AKAP12: variants seen among roughly 807,000 people sequenced by gnomAD.
AKAP12 encodes the protein A-kinase anchoring protein 12.
AKAP12 carries 32 observed loss-of-function variants against 79.9 expected under a neutral mutation model. The observed-to-expected ratio is 0.40, with a 90% CI of 0.30 to 0.54. AKAP12 has a LOEUF of 0.54. Among genes scored for constraint, AKAP12 ranks in the 20% least tolerant of loss-of-function variants. AKAP12 has a pLI of 0.48. For synonymous variants in AKAP12, 808 were observed against 857.0 expected, an observed-to-expected ratio of 0.94 and a Z score of 1.00; for missense variants, 2,074 against 2,177.0, an observed-to-expected ratio of 0.95 and a Z score of 0.94.
chr6:151,351,051 GTCAGGT>G lies in AKAP12; in HGVS notation c.2664_2669del (p.Gln888_Val889del). 6.2e-7 allele frequency: 1 copy of G among 1,614,176 alleles called. No homozygotes were observed. Among genetic ancestry groups the G allele is most frequent in the South Asian group, 1.1e-5 (1 of 91,086 alleles). Reference sequence around the variant, plus strand: ...GAGGTGTCCAAGGAGCTCAGCGAGAGTCAGGTTCATATGATGGCAGCAGCTGTCGCT... The same window carrying G: ...GAGGTGTCCAAGGAGCTCAGCGAGAGTCATATGATGGCAGCAGCTGTCGCT... On this transcript the variant is annotated inframe_deletion, in exon 4 of 5. Transcript: ENST00000402676. This position sits in a 1 kb window ranked among gnomAD's most constrained non-coding sequence, Gnocchi z 4.4.
In AKAP12 at chr6:151,337,688, CA is replaced by C. The variant is rs1211681256; in HGVS notation, c.320-11019del. Among the ~76,000 whole-genome samples, 3 of 152,130 alleles carry C rather than the reference CA, an allele frequency of 2.0e-5. No homozygotes were observed. In the East Asian group the frequency reaches 5.8e-4, roughly 29 times the overall value. On this transcript the variant is annotated intron_variant, in intron 3 of 4. Transcript: ENST00000402676. Reference sequence around the variant, plus strand: ...ATTTACTTTCTTTTTGTTGGGAAAACAAAACAAACATCAGTCCACGGGTTTC... The same window carrying C: ...ATTTACTTTCTTTTTGTTGGGAAAACAAACAAACATCAGTCCACGGGTTTC...
chr6:151,325,626 CGTGGGTGGGGGT>C lies in AKAP12; in HGVS notation c.319+19724_319+19735del, dbSNP rs996456818. 7.6e-5 allele frequency: 50 copies of C among 654,020 alleles called. No homozygotes were observed. In the African/African-American group the frequency reaches 8.9e-4, roughly 12 times the overall value. The allele number at this position is 654,020 out of a possible 1,614,324, so 40.5% of individuals were successfully genotyped here. On this transcript the variant is annotated intron_variant, in intron 3 of 4. Transcript: ENST00000402676. Reference sequence around the variant, plus strand: ...CCGCGTGTGGGTGGCTGGGTGGGGGCGTGGGTGGGGGTCCGCCTATAATTATCTGGGGAAATG... The same window carrying C: ...CCGCGTGTGGGTGGCTGGGTGGGGGCCCGCCTATAATTATCTGGGGAAATG...
At chr6:151,291,167 C>T (rs139460686) in intron 2 of AKAP12, among the ~76,000 whole-genome samples, 1 of 152,284 alleles carries the variant, frequency 6.6e-6, no homozygotes, top group East Asian at 1.9e-4. Context: ...AGCAGCTGCC[C>T]ATTGGAATCA....
intron 2 of AKAP12, among the ~76,000 whole-genome samples, chr6:151,284,124 A>C (rs1226646675): frequency 6.6e-6 from 1 of 151,994 alleles, no homozygotes; most frequent in African/African-American, 2.4e-5. Context: ...AGGTTGGAGA[A>C]CCTCGCCAGT....
At chr6:151,245,569 C>T (rs1450911748) in intron 2 of AKAP12, among the ~76,000 whole-genome samples, 1 of 142,584 alleles carries the variant, frequency 7.0e-6, no homozygotes, top group East Asian at 2.1e-4. Context: ...GGCGTGAACC[C>T]GGGAGGTGGA....
At chr6:151,251,163 A>G (rs1298189206) in intron 2 of AKAP12, among the ~76,000 whole-genome samples, 1 of 152,194 alleles carries the variant, frequency 6.6e-6, no homozygotes, top group Non-Finnish European at 1.5e-5. Flanking sequence ...CTTCTGGTAC[A>G]AGACGTATTG....
At chr6:151,296,868 A>G (rs1776739842) in intron 2 of AKAP12, among the ~76,000 whole-genome samples, 1 of 152,200 alleles carries the variant, frequency 6.6e-6, no homozygotes, top group Non-Finnish European at 1.5e-5. Context: ...CACAAAAATT[A>G]GGGCTATTGT....
chr6:151,275,231 T>A (rs1776270257), intron 2 of AKAP12, among the ~76,000 whole-genome samples: 1 of 152,074 alleles, frequency 6.6e-6, no homozygotes, highest in South Asian at 2.1e-4. Flanking sequence ...ATCTAAACCG[T>A]TTTTCTTCCC....
intron 3 of AKAP12, among the ~76,000 whole-genome samples, chr6:151,341,056 T>TC (rs1777932389): frequency 8.5e-6 from 1 of 117,528 alleles, no homozygotes; most frequent in Non-Finnish European, 1.6e-5. Flanking sequence ...TTCTTTTTTT[T>TC]CTTTTTTTTT....
chr6:151,261,799 C>T (rs1797444500), intron 2 of AKAP12, among the ~76,000 whole-genome samples: 1 of 149,442 alleles, frequency 6.7e-6, no homozygotes, highest in Non-Finnish European at 1.5e-5. Context: ...CTCTTGTTCC[C>T]CAGGGTGGAG....
chr6:151,270,969 G>T (rs1438122710), intron 2 of AKAP12, among the ~76,000 whole-genome samples: 2 of 152,194 alleles, frequency 1.3e-5, no homozygotes, highest in Non-Finnish European at 1.5e-5. Context: ...AGTTCTTAGA[G>T]TTCTAATTTA....
chr6:151,354,659 A>T (rs996994561), intron 4 of AKAP12, among the ~76,000 whole-genome samples: 2 of 151,940 alleles, frequency 1.3e-5, no homozygotes, highest in Middle Eastern at 3.2e-3. Flanking sequence ...GGTGTGAGCC[A>T]CCACGCCCAG....
intron 3 of AKAP12, among the ~76,000 whole-genome samples, chr6:151,334,322 G>A (rs1156319126): frequency 2.6e-5 from 4 of 151,756 alleles, no homozygotes; most frequent in South Asian, 2.1e-4. Flanking sequence ...AGCTGGGAGC[G>A]GTGGCTCACG....
intron 3 of AKAP12, among the ~76,000 whole-genome samples, chr6:151,327,028 G>T (rs1777547058): frequency 6.6e-6 from 1 of 151,934 alleles, no homozygotes; most frequent in Non-Finnish European, 1.5e-5. Flanking sequence ...AGTTGGCCAG[G>T]ATGGTCTCGA....
chr6:151,261,931 A>G (rs186526959), intron 2 of AKAP12, among the ~76,000 whole-genome samples: 7 of 151,986 alleles, frequency 4.6e-5, no homozygotes. Flanking sequence ...ACTAGTGAAT[A>G]AATTAATGCA....
chr6:151,304,437 C>G (rs373072472), intron 2 of AKAP12, among the ~76,000 whole-genome samples: 1 of 124,104 alleles, frequency 8.1e-6, no homozygotes, highest in Non-Finnish European at 1.6e-5. Flanking sequence ...TGCAGTGAAC[C>G]GAGATCACGC....
chr6:151,243,229 T>G (rs1797011468), intron 2 of AKAP12, among the ~76,000 whole-genome samples: 2 of 152,236 alleles, frequency 1.3e-5, no homozygotes, highest in Admixed American at 1.3e-4. Context: ...CATCTTGAAC[T>G]TCCTTGATGT....
Position 151,256,334 on chromosome 6 carries a change from G to A in AKAP12, c.162+15610G>A, listed in dbSNP as rs562065943. Among the ~76,000 whole-genome samples, 4 of 152,286 alleles carry A rather than the reference G, an allele frequency of 2.6e-5. No homozygotes were observed. In the East Asian group the frequency reaches 7.7e-4, roughly 29 times the overall value. ...TCTTTACCCAAATACAGTTTGGAAA[G>A]GCCAGGCTAGAGAAGAGAGCACAAT... is the stretch of plus-strand genomic sequence containing the variant. On this transcript the variant is annotated intron_variant, in intron 2 of 4. Transcript: ENST00000402676.
chr6:151,304,451 T>A (rs1348977811), intron 2 of AKAP12, among the ~76,000 whole-genome samples: 2 of 111,776 alleles, frequency 1.8e-5, no homozygotes, highest in African/African-American at 6.6e-5. Flanking sequence ...ATCACGCCAC[T>A]GCACTTCAGC....
Sources: allele counts gnomAD v4.1 joint callset (sites outside exome capture counted in the v4.1 genomes callset), GRCh38; gene constraint gnomAD v4.1.1; non-coding constraint Gnocchi (gnomAD v3.1); transcripts MANE v1.5; gene names NCBI Gene and HGNC (gene_info 2026-07-23, HGNC 2026-07-21).